RAPGEF1: variants seen among roughly 807,000 people sequenced by gnomAD.
RAPGEF1 encodes Rap guanine nucleotide exchange factor 1.
Under a neutral mutation model 143.3 loss-of-function variants are expected in RAPGEF1, and 33 were observed. The ratio of observed to expected loss-of-function variants is 0.23; its 90% CI spans 0.17 to 0.31. The LOEUF (loss-of-function observed/expected upper bound fraction) is 0.31. Among genes scored for constraint, RAPGEF1 ranks in the 10% least tolerant of loss-of-function variants. The pLI is 1.00. For missense variants in RAPGEF1, 1,199 were observed against 1,645.4 expected, an observed-to-expected ratio of 0.73 and a Z score of 4.69; for synonymous variants, 629 against 676.5, an observed-to-expected ratio of 0.93 and a Z score of 1.09.
At position 131,638,736 on chromosome 9, in the gene RAPGEF1, G is replaced by A. The variant is rs766549343; in HGVS notation, c.550C>T (p.Arg184Cys). Reference sequence around the variant, plus strand: ...TCCAGCATCACTTGGTCAGACCAGCGAATGAGGTTGGCGAGGCTTTGGTAC... The same window carrying A: ...TCCAGCATCACTTGGTCAGACCAGCAAATGAGGTTGGCGAGGCTTTGGTAC... ...RVYQSLANLI[R>C]WSDQVMLEGV... The change falls in exon 5 of 27, where the codon CGC becomes TGC. Residue 184 changes from arginine to cysteine, a missense_variant. Physicochemically the swap from Arg to Cys is radical, Grantham distance 180. Transcript: ENST00000683357. 4 of 1,613,972 alleles carry A rather than the reference G, an allele frequency of 2.5e-6. No individual in the cohort carries two copies. The highest frequency in any genetic ancestry group is 1.1e-5 in the South Asian group (1 of 91,076).
intron 3 of RAPGEF1, among the ~76,000 whole-genome samples, chr9:131,649,173 C>T (rs1418708164): frequency 6.7e-6 from 1 of 148,482 alleles, no homozygotes; most frequent in African/African-American, 2.5e-5. Flanking sequence ...GCTGGGATTA[C>T]AGGCGCCTGC....
At chr9:131,711,315 G>T (rs1351673831) in intron 1 of RAPGEF1, among the ~76,000 whole-genome samples, 1 of 150,562 alleles carries the variant, frequency 6.6e-6, no homozygotes, top group Non-Finnish European at 1.5e-5. Context: ...GCCTCCCAAA[G>T]TCCTGGGATT....
At chr9:131,709,996 A>C in intron 1 of RAPGEF1, 2 of 958,294 alleles carry the variant, frequency 2.1e-6, no homozygotes, top group Non-Finnish European at 2.5e-6. Flanking sequence ...TTTATTACTC[A>C]TCAGCACAAC....
intron 1 of RAPGEF1, among the ~76,000 whole-genome samples, chr9:131,706,716 C>T (rs1003956941): frequency 1.4e-4 from 21 of 152,192 alleles, no homozygotes; most frequent in African/African-American, 5.1e-4. Context: ...GGACACCATG[C>T]GCTATGAAAA....
At chr9:131,587,615 A>G (rs1445887952) in intron 22 of RAPGEF1, 121 bp downstream of exon 22, 15 of 901,924 alleles carry the variant, frequency 1.7e-5, no homozygotes, top group Non-Finnish European at 2.6e-5. Flanking sequence ...CCAGGAGCTT[A>G]GCGGAATGAA....
intron 1 of RAPGEF1, among the ~76,000 whole-genome samples, chr9:131,735,542 C>G (rs545894896): frequency 2.0e-5 from 3 of 152,298 alleles, no homozygotes; most frequent in Admixed American, 6.5e-5. Context: ...TTGTACGGAG[C>G]CTGATGGAGC....
At chr9:131,663,713 T>G (rs182597671) in intron 1 of RAPGEF1, among the ~76,000 whole-genome samples, 9 of 152,224 alleles carry the variant, frequency 5.9e-5, no homozygotes, top group Non-Finnish European at 1.0e-4. Context: ...TGCTTTCTAC[T>G]GTATTATTAA....
intron 1 of RAPGEF1, among the ~76,000 whole-genome samples, chr9:131,733,370 G>C (rs1160602244): frequency 7.5e-6 from 1 of 133,582 alleles, no homozygotes; most frequent in Non-Finnish European, 1.6e-5. Context: ...GGGGGCGGGG[G>C]GGGGGGTGGT....
chr9:131,728,812 A>C (rs1464207777), intron 1 of RAPGEF1, among the ~76,000 whole-genome samples: 3 of 152,264 alleles, frequency 2.0e-5, no homozygotes, highest in African/African-American at 7.2e-5. Context: ...TAAGAACAAA[A>C]GCTAAGATTT....
intron 1 of RAPGEF1, among the ~76,000 whole-genome samples, chr9:131,666,066 AC>A (rs1830379638): frequency 6.6e-6 from 1 of 152,246 alleles, no homozygotes; most frequent in Admixed American, 6.5e-5. Context: ...CAATGAATTA[AC>A]CCTGTAACAA....
chr9:131,692,794 TG>T (rs1249338226), intron 1 of RAPGEF1, among the ~76,000 whole-genome samples: 1 of 152,222 alleles, frequency 6.6e-6, no homozygotes, highest in Non-Finnish European at 1.5e-5. Flanking sequence ...GGATCTGTCA[TG>T]CCAAACCTAG....
rs1321690179 is a variant in RAPGEF1, at chr9:131,628,027, G to A, written c.1087C>T (p.Pro363Ser). The stretch of plus-strand genomic sequence containing the variant: ...ATGCTGCTGCAGGGGGAGAGGCGGG[G>A]CGACTCTCCACCATATGAGTGGCTG... ...GGSHSYGGESPRLSPCSSIGK... is the reference protein window; with the variant it reads ...GGSHSYGGESSRLSPCSSIGK... The change falls in exon 9 of 27, where the codon CCC (proline) becomes TCC (serine). Residue 363 changes from proline (P) to serine (S), a missense_variant. Pro to Ser is a moderately conservative substitution (Grantham distance 74). Around this residue, in one of 6 missense-constraint regions of RAPGEF1, gnomAD observed 613 missense variants for 710.9 expected, o/e 0.86. Coordinates refer to ENST00000683357, the MANE Select transcript of RAPGEF1 (RefSeq NM_001377935.1). This position sits in a 1 kb window ranked among gnomAD's most constrained non-coding sequence, Gnocchi z 5.7. 1.3e-6 allele frequency: 2 copies of A among 1,566,856 alleles called. No homozygotes were observed. The highest frequency in any genetic ancestry group is 1.7e-6 in the Non-Finnish European group (2 of 1,156,166).
intron 5 of RAPGEF1, among the ~76,000 whole-genome samples, chr9:131,630,785 TG>T (rs1352483466): frequency 6.6e-6 from 1 of 151,496 alleles, no homozygotes; most frequent in African/African-American, 2.4e-5. Context: ...GGGGGTGGGG[TG>T]AGGGCTGGCT....
At chr9:131,581,717 G>T (rs2132085032) in intron 25 of RAPGEF1, among the ~76,000 whole-genome samples, 1 of 152,176 alleles carries the variant, frequency 6.6e-6, no homozygotes, top group South Asian at 2.1e-4. Context: ...AAGAAACAAA[G>T]AAACAAACAA....
intron 1 of RAPGEF1, chr9:131,710,015 G>A (rs571252012): frequency 1.1e-6 from 1 of 904,196 alleles, no homozygotes; most frequent in African/African-American, 1.8e-5. Context: ...ACAGCGGCTT[G>A]CAAGATGAAT....
intron 11 of RAPGEF1, among the ~76,000 whole-genome samples, chr9:131,619,817 A>C (rs555354496): frequency 6.6e-6 from 1 of 152,240 alleles, no homozygotes; most frequent in Admixed American, 6.5e-5. Context: ...TTTGTCTGTG[A>C]AGTGTGGATA....
chr9:131,686,927 C>T (rs867254339), intron 1 of RAPGEF1, among the ~76,000 whole-genome samples: 37 of 152,286 alleles, frequency 2.4e-4, no homozygotes, highest in African/African-American at 8.7e-4. Context: ...ACTATGATAG[C>T]GTTCTGATGA....
chr9:131,723,623 G>A (rs528949138), intron 1 of RAPGEF1, among the ~76,000 whole-genome samples: 3 of 152,260 alleles, frequency 2.0e-5, no homozygotes, highest in African/African-American at 7.2e-5. Flanking sequence ...CCTTTTTAAG[G>A]CTGAATAATA....
intron 1 of RAPGEF1, among the ~76,000 whole-genome samples, chr9:131,722,878 A>AAAAC (rs999757215): frequency 5.8e-4 from 88 of 152,180 alleles, no homozygotes; most frequent in African/African-American, 2.0e-3. Context: ...TTTAAAAAAC[A>AAAAC]AAACAAACAA....
Sources: allele counts gnomAD v4.1 joint callset (sites outside exome capture counted in the v4.1 genomes callset), GRCh38; gene constraint gnomAD v4.1.1; regional missense constraint gnomAD v4.1.1; non-coding constraint Gnocchi (gnomAD v3.1); transcripts MANE v1.5; gene names NCBI Gene and HGNC (gene_info 2026-07-23, HGNC 2026-07-21).